Variants in TMEM154 observed in about 807,000 individuals in gnomAD.
TMEM154 encodes the protein transmembrane protein 154.
A neutral mutation model predicts 24.5 loss-of-function variants in TMEM154; 27 were observed. That is an observed-to-expected ratio of 1.10 (90% CI 0.81 to 1.52). TMEM154 has a LOEUF of 1.52. Among genes scored for constraint, TMEM154 ranks in the 40% most tolerant of loss-of-function variants. The probability of loss-of-function intolerance (pLI) is 0.00; values close to 1 mark genes in which losing one functional copy is unlikely to be tolerated. For missense variants in TMEM154, 228 were observed against 213.4 expected (o/e 1.07, Z -0.43); for synonymous variants, 67 against 76.8 (o/e 0.87, Z 0.67).
chr4:152,669,107 AACTT>A (rs1728779095), intron 1 of TMEM154: 1 of 151,218 alleles, frequency 6.6e-6, no homozygotes, highest in South Asian at 2.1e-4. Flanking sequence ...ATTTTTTCCT[AACTT>A]AGTTTTTAAC....
Position 152,652,693 on chromosome 4 carries a change from T to C in TMEM154, c.299A>G (p.Tyr100Cys), listed in dbSNP as rs1156848664. The part of the protein sequence containing the change: ...LLLSVVFLAT[Y>C]YKRKRTKQEP... The stretch of plus-strand genomic sequence containing the variant: ...TTGTTTAGTTCTTTTTCTTTTATAG[T>C]ATGTTGCAAGGAATACCACGGATAA... The change falls in exon 2 of 7, where the codon TAC becomes TGC. Residue 100 changes from tyrosine (Y) to cysteine (C), a missense_variant. Transcript: ENST00000304385. The C allele has an allele frequency of 6.2e-7, 1 of 1,613,702 alleles. No homozygotes were observed. Among genetic ancestry groups the C allele is most frequent in the South Asian group, 1.1e-5 (1 of 90,998 alleles).
At chr4:152,674,155 T>C (rs1316530271) in intron 1 of TMEM154, among the ~76,000 whole-genome samples, 1 of 152,134 alleles carries the variant, frequency 6.6e-6, no homozygotes, top group African/African-American at 2.4e-5. Flanking sequence ...TATATATTTT[T>C]AAATGCTTAG....
chr4:152,627,858 T>A lies in TMEM154; in HGVS notation c.*688A>T, dbSNP rs1010664599. 2.0e-5 allele frequency: 3 copies of A among 152,214 alleles called. No individual in the cohort carries two copies. Among genetic ancestry groups the A allele is most frequent in the African/African-American group, 7.2e-5 (3 of 41,442 alleles). The allele number at this position is 152,214 out of a possible 1,614,324, so 9.4% of individuals were successfully genotyped here. A position where few individuals can be genotyped will look rare whatever the true frequency, so the allele number is the denominator to read the frequency against. On this transcript the variant is annotated 3_prime_UTR_variant, in exon 7 of 7. Coordinates refer to ENST00000304385, the MANE Select transcript of TMEM154 (RefSeq NM_152680.3). ...AGTTCTTTCACTGAAGATTCCTAGT[T>A]TCTCTGAGAAGTTCTTAAGGGTGAC...
intron 1 of TMEM154, among the ~76,000 whole-genome samples, chr4:152,661,291 TCTC>T (rs1728598833): frequency 8.3e-4 from 47 of 56,552 alleles, no homozygotes; most frequent in African/African-American, 2.2e-3. Flanking sequence ...TCTTTCTCTC[TCTC>T]TCTCTCTCTC....
At chr4:152,662,658 C>T (rs1420161483) in intron 1 of TMEM154, among the ~76,000 whole-genome samples, 1 of 152,182 alleles carries the variant, frequency 6.6e-6, no homozygotes, top group African/African-American at 2.4e-5. Context: ...TTAACAGCCA[C>T]TCTTAATGCA....
chr4:152,668,582 C>G (rs770361445), intron 1 of TMEM154: 1 of 152,196 alleles, frequency 6.6e-6, no homozygotes, highest in African/African-American at 2.4e-5. Context: ...TTGCTCGGCT[C>G]AGCACAAGCT....
rs566236177 is a variant in TMEM154, at chr4:152,645,141, G to C, written c.365-699C>G. On this transcript the variant is annotated intron_variant, in intron 3 of 6. Coordinates refer to ENST00000304385, the MANE Select transcript of TMEM154 (RefSeq NM_152680.3). ...CTGTTTGATTTTTTTTTTTCTGTCT[G>C]TCTCTCTCACTAGACAAAGTACAAA... is the stretch of plus-strand genomic sequence containing the variant. 6.0e-5 allele frequency among the ~76,000 whole-genome samples: 9 copies of C among 150,804 alleles called. 1 individual carries two copies. The highest frequency in any genetic ancestry group is 1.0e-4 in the Non-Finnish European group (7 of 67,818).
At chr4:152,647,235 G>C (rs1233647506) in intron 3 of TMEM154, 1 of 984,934 alleles carries the variant, frequency 1.0e-6, no homozygotes, top group African/African-American at 1.7e-5. Context: ...AGGGGACATA[G>C]TGTGCAGGTG....
chr4:152,642,738 T>C (rs1752282112), intron 5 of TMEM154, among the ~76,000 whole-genome samples: 1 of 152,234 alleles, frequency 6.6e-6, no homozygotes. Flanking sequence ...TTTATATCCA[T>C]AGTCAGTTTA....
chr4:152,669,330 G>A (rs965382737), intron 1 of TMEM154: 1 of 151,988 alleles, frequency 6.6e-6, no homozygotes, highest in Non-Finnish European at 1.5e-5. Context: ...ACACAGAGAT[G>A]GTCTTTGCCT....
At position 152,636,364 on chromosome 4, in the gene TMEM154, A is replaced by G. The variant is rs529324286; in HGVS notation, c.536+4564T>C. Among the ~76,000 whole-genome samples the G allele has an allele frequency of 3.1e-4, 47 of 152,380 alleles. 1 individual carries two copies. The highest frequency in any genetic ancestry group is 9.9e-4 in the African/African-American group (41 of 41,594). On this transcript the variant is annotated intron_variant, in intron 6 of 6. Coordinates refer to ENST00000304385, the MANE Select transcript of TMEM154 (RefSeq NM_152680.3). Reference sequence around the variant, plus strand: ...GGGCAGTGCCAGGCACATAGCAGGTATGAATCACGGAAAAGATGCTAAGAT... The same window carrying G: ...GGGCAGTGCCAGGCACATAGCAGGTGTGAATCACGGAAAAGATGCTAAGAT...
At chr4:152,629,409 T>C (rs971773884) in intron 6 of TMEM154, among the ~76,000 whole-genome samples, 1 of 152,166 alleles carries the variant, frequency 6.6e-6, no homozygotes. Context: ...CAGACATAAA[T>C]GATGTACATG....
At position 152,652,712 on chromosome 4, in the gene TMEM154, C is replaced by T. The variant is rs145569394; in HGVS notation, c.280G>A (p.Val94Met). ...LILLVLLLLS[V>M]VFLATYYKRK... ...TTATAGTATGTTGCAAGGAATACCA[C>T]GGATAAAAGTAAGAGGACCAATAAA... is the stretch of plus-strand genomic sequence containing the variant. Residue 94 changes from valine to methionine, a missense_variant, in exon 2 of 7, where the codon GTG (valine) becomes ATG (methionine). Val to Met is a conservative substitution (Grantham distance 21). Transcript: ENST00000304385. 101 of 1,613,760 alleles carry T rather than the reference C, an allele frequency of 6.3e-5. No individual in the cohort carries two copies. The highest frequency in any genetic ancestry group is 2.2e-4 in the East Asian group (10 of 44,852).
chr4:152,652,273 TAAA>T (rs11331839), intron 3 of TMEM154, among the ~76,000 whole-genome samples: 12 of 135,050 alleles, frequency 8.9e-5, no homozygotes, highest in Non-Finnish European at 1.4e-4. Flanking sequence ...TTCAATTTGT[TAAA>T]AAAAAAAAAA....
chr4:152,633,863 AT>A (rs1752096645), intron 6 of TMEM154, among the ~76,000 whole-genome samples: 1 of 152,012 alleles, frequency 6.6e-6, no homozygotes, highest in African/African-American at 2.4e-5. Context: ...AGTCCCAGCT[AT>A]TAAAAGTAAT....
chr4:152,674,357 A>G (rs1186471325), intron 1 of TMEM154, among the ~76,000 whole-genome samples: 1 of 152,166 alleles, frequency 6.6e-6, no homozygotes, highest in Non-Finnish European at 1.5e-5. Context: ...CAAAGTTCAG[A>G]GTCAGGTCAG....
Position 152,626,811 on chromosome 4 carries a change from A to C in TMEM154, c.*1735T>G, listed in dbSNP as rs1052169249. The C allele has an allele frequency of 2.6e-5, 4 of 152,190 alleles. No homozygotes were observed. The highest frequency in any genetic ancestry group is 9.7e-5 in the African/African-American group (4 of 41,440). The allele number at this position is 152,190 out of a possible 1,614,324, so 9.4% of individuals were successfully genotyped here. On this transcript the variant is annotated 3_prime_UTR_variant, in exon 7 of 7. Transcript: ENST00000304385. ...CAAAATGTTGATGAGAAACAAACTG[A>C]AAGTAGCACACATAGGCAGAAAAAT...
chr4:152,657,168 G>A lies in TMEM154; in HGVS notation c.65-4241C>T, dbSNP rs538663382. ...AATGAGAAAAGCCTGTGTGACATAC[G>A]AGATACCATAAAGCAAGAAGGCAAA... is the stretch of plus-strand genomic sequence containing the variant. On this transcript the variant is annotated intron_variant, in intron 1 of 6. Transcript: ENST00000304385. Among the ~76,000 whole-genome samples, 37 of 147,116 alleles carry A rather than the reference G, an allele frequency of 2.5e-4. No homozygotes were observed. In the South Asian group the frequency reaches 6.9e-3, roughly 28 times the overall value.
intron 6 of TMEM154, among the ~76,000 whole-genome samples, chr4:152,634,077 C>T (rs1752103018): frequency 6.7e-6 from 1 of 148,526 alleles, no homozygotes; most frequent in Non-Finnish European, 1.5e-5. Context: ...ACACCTTTCC[C>T]AAAATCCTGT....
Sources: gnomAD v4.1 joint callset for allele counts (sites outside exome capture counted in the v4.1 genomes callset) on GRCh38, gnomAD v4.1.1 for gene constraint, MANE v1.5 for transcripts, NCBI Gene and HGNC (gene_info 2026-07-23, HGNC 2026-07-21) for gene names.